The following PDE8B variants were observed in gnomAD, a reference collection of about 807,000 sequenced individuals.
The protein encoded by PDE8B is high affinity cAMP-specific and IBMX-insensitive 3',5'-cyclic phosphodiesterase 8B.
A neutral mutation model predicts 101.3 loss-of-function variants in PDE8B; 26 were observed. The observed-to-expected ratio is 0.26, with a 90% CI of 0.19 to 0.36. PDE8B has a LOEUF of 0.36. Among genes scored for constraint, PDE8B ranks in the 10% least tolerant of loss-of-function variants. PDE8B has a pLI of 1.00. For synonymous variants in PDE8B, 424 were observed against 429.3 expected (o/e 0.99, Z 0.15); for missense variants, 810 against 1,163.1 (o/e 0.70, Z 4.42).
intron 10 of PDE8B, among the ~76,000 whole-genome samples, chr5:77,382,626 C>T (rs1292157476): frequency 6.9e-6 from 1 of 145,760 alleles, no homozygotes; most frequent in Non-Finnish European, 1.5e-5. Context: ...GTGTGATGTT[C>T]CCCTCACTGT....
At chr5:77,161,376 T>C in the PDE8B span, among the ~76,000 whole-genome samples, 1 of 152,216 alleles carries the variant, frequency 6.6e-6, no homozygotes, top group Non-Finnish European at 1.5e-5. Context: ...TATCGTTGTA[T>C]AGTTTTCCAT....
intron 1 of PDE8B, among the ~76,000 whole-genome samples, chr5:77,230,019 T>G (rs1753223543): frequency 2.0e-5 from 3 of 152,194 alleles, no homozygotes. Flanking sequence ...TAAACTGTTC[T>G]CCGAAGTGGC....
At chr5:77,277,165 T>C (rs942851333) in intron 1 of PDE8B, among the ~76,000 whole-genome samples, 1 of 152,182 alleles carries the variant, frequency 6.6e-6, no homozygotes, top group Admixed American at 6.5e-5. Context: ...TTTTGGAAAA[T>C]TGCATCTATA....
intron 20 of PDE8B, 45 bp downstream of exon 20, chr5:77,422,033 G>T: frequency 3.2e-6 from 5 of 1,582,598 alleles, no homozygotes; most frequent in Non-Finnish European, 4.3e-6. Context: ...TCTGGGAATG[G>T]GAACTAGGTC....
the PDE8B span, among the ~76,000 whole-genome samples, chr5:77,104,345 G>A: frequency 2.0e-5 from 3 of 152,136 alleles, no homozygotes; most frequent in Non-Finnish European, 2.9e-5. Flanking sequence ...GAATGTTTGC[G>A]TCTATTCAAA....
chr5:77,277,352 CA>C (rs951104840), intron 1 of PDE8B, among the ~76,000 whole-genome samples: 2 of 152,110 alleles, frequency 1.3e-5, no homozygotes, highest in African/African-American at 4.8e-5. Context: ...TGTCAGAATG[CA>C]AAAATTCAAA....
intron 10 of PDE8B, among the ~76,000 whole-genome samples, chr5:77,393,325 C>T (rs899024147): frequency 6.6e-6 from 1 of 151,264 alleles, no homozygotes; most frequent in Non-Finnish European, 1.5e-5. Flanking sequence ...ACCCGGGAGG[C>T]AGAAGTTGCA....
intron 3 of PDE8B, among the ~76,000 whole-genome samples, chr5:77,326,477 T>C (rs1776084709): frequency 6.6e-6 from 1 of 152,230 alleles, no homozygotes; most frequent in African/African-American, 2.4e-5. Flanking sequence ...AATGGCTTTT[T>C]AGACTTTGGT....
chr5:77,290,651 T>G, intron 1 of PDE8B: 2 of 1,508,708 alleles, frequency 1.3e-6, no homozygotes, highest in Non-Finnish European at 9.2e-7. Flanking sequence ...TCTGTGACTA[T>G]GCTGTTGGTT....
chr5:77,359,932 C>T (rs917360712), intron 10 of PDE8B, among the ~76,000 whole-genome samples: 15 of 151,934 alleles, frequency 9.9e-5, no homozygotes, highest in Admixed American at 7.9e-4. Flanking sequence ...CCCGTCTCTA[C>T]GAAAAATACA....
At chr5:77,179,420 C>T in the PDE8B span, among the ~76,000 whole-genome samples, 1 of 152,142 alleles carries the variant, frequency 6.6e-6, no homozygotes, top group Non-Finnish European at 1.5e-5. Context: ...GCTCTCTAGA[C>T]CTTAGTTCAA....
At chr5:77,366,098 C>T (rs1489407090) in intron 10 of PDE8B, among the ~76,000 whole-genome samples, 1 of 151,922 alleles carries the variant, frequency 6.6e-6, no homozygotes, top group Non-Finnish European at 1.5e-5. Context: ...TTTTTCATGT[C>T]TCTTGCACAT....
the PDE8B span, among the ~76,000 whole-genome samples, chr5:77,204,078 G>A: frequency 1.5e-5 from 1 of 68,084 alleles, no homozygotes; most frequent in African/African-American, 6.4e-5. Context: ...TTTGTACCTT[G>A]ACTAAGAATA....
intron 2 of PDE8B, among the ~76,000 whole-genome samples, chr5:77,313,861 G>T (rs956767029): frequency 5.3e-5 from 8 of 152,276 alleles, no homozygotes; most frequent in African/African-American, 1.9e-4. Context: ...CTCTTCGTAT[G>T]TATGTGTCCA....
chr5:77,106,531 C>A, the PDE8B span, among the ~76,000 whole-genome samples: 1 of 152,172 alleles, frequency 6.6e-6, no homozygotes, highest in African/African-American at 2.4e-5. Context: ...ATTATCAGAT[C>A]TTGATTGCTA....
At chr5:77,335,529 T>TGG (rs1483145107) in intron 5 of PDE8B, among the ~76,000 whole-genome samples, 26 of 113,930 alleles carry the variant, frequency 2.3e-4, no homozygotes, top group African/African-American at 6.2e-4. Flanking sequence ...AGTGTATATG[T>TGG]GGGGTGTGTG....
At chr5:77,231,757 C>T (rs1753618298) in intron 1 of PDE8B, among the ~76,000 whole-genome samples, 1 of 152,224 alleles carries the variant, frequency 6.6e-6, no homozygotes, top group Non-Finnish European at 1.5e-5. Flanking sequence ...CCTAGACTAG[C>T]AACTGTATTT....
At chr5:77,290,754 A>C in intron 1 of PDE8B, 1 of 1,494,118 alleles carries the variant, frequency 6.7e-7, no homozygotes, top group Non-Finnish European at 9.3e-7. Flanking sequence ...GGTTGGAATC[A>C]TCACGGCATT....
At chr5:77,270,111 A>C (rs1445498097) in intron 1 of PDE8B, among the ~76,000 whole-genome samples, 1 of 152,214 alleles carries the variant, frequency 6.6e-6, no homozygotes, top group Non-Finnish European at 1.5e-5. Context: ...TGGACATGGA[A>C]TATCTTTTCA....
Sources: gnomAD v4.1 joint callset for allele counts (sites outside exome capture counted in the v4.1 genomes callset) on GRCh38, gnomAD v4.1.1 for gene constraint, MANE v1.5 for transcripts, NCBI Gene and HGNC (gene_info 2026-07-23, HGNC 2026-07-21) for gene names.